CYP4F8: variants seen among roughly 807,000 people sequenced by gnomAD.
The protein encoded by CYP4F8 is cytochrome P450 family 4 subfamily F member 8, also known as cytochrome P450 4F8.
A neutral mutation model predicts 55.0 loss-of-function variants in CYP4F8; 56 were observed. That is an observed-to-expected ratio of 1.02 (90% CI 0.82 to 1.27). The LOEUF (loss-of-function observed/expected upper bound fraction) is 1.27, where lower values mean the gene tolerates loss of function less well. Ranked by LOEUF, CYP4F8 falls within the 50% of genes most tolerant of loss-of-function variation. The pLI is 0.00. For synonymous variants in CYP4F8, 288 were observed against 267.3 expected, an observed-to-expected ratio of 1.08 and a Z score of -0.76; for missense variants, 680 against 682.4, an observed-to-expected ratio of 1.00 and a Z score of 0.04.
chr19:15,628,286 T>C lies in CYP4F8; in HGVS notation c.1116-16T>C. 26 of 1,613,866 alleles carry C rather than the reference T, an allele frequency of 1.6e-5. No homozygotes were observed. Among genetic ancestry groups the C allele is most frequent in the Non-Finnish European group, 2.1e-5 (25 of 1,179,922 alleles). ...GCCGTGTATGCTCTCTGGATAATTG[T>C]TGGGTGTTTCCTTAGGGACGACCTG... On this transcript the variant is annotated splice_polypyrimidine_tract_variant and intron_variant, in intron 9 of 12. Coordinates refer to ENST00000612078, the MANE Select transcript of CYP4F8 (RefSeq NM_007253.4).
chr19:15,624,178 G>A, intron 9 of CYP4F8, 84 bp downstream of exon 9: 1 of 1,554,610 alleles, frequency 6.4e-7, no homozygotes. Flanking sequence ...GGGAAAAGGG[G>A]AGGATCTTTT....
In CYP4F8 at chr19:15,623,228, C is replaced by A. The variant is rs1972217703; in HGVS notation, c.771C>A (p.His257Gln). 1.2e-6 allele frequency: 2 copies of A among 1,613,978 alleles called. No homozygotes were observed. Among genetic ancestry groups the A allele is most frequent in the Non-Finnish European group, 1.7e-6 (2 of 1,180,030 alleles). Residue 257 changes from histidine (H) to glutamine (Q), a missense_variant, in exon 7 of 13, where the codon CAC (histidine) becomes CAA (glutamine). By Grantham distance (24) the His-to-Gln change is conservative. Transcript: ENST00000612078. Reference protein sequence around the residue: ...YFLTPCGRRFHRACRLVHDFT... With the variant: ...YFLTPCGRRFQRACRLVHDFT... ...TCACTCCCTGTGGACGGCGCTTCCA[C>A]AGGGCCTGCAGACTGGTGCACGACT...
chr19:15,616,612 C>T (rs1178836716), intron 2 of CYP4F8, among the ~76,000 whole-genome samples: 1 of 152,112 alleles, frequency 6.6e-6, no homozygotes, highest in Non-Finnish European at 1.5e-5. Flanking sequence ...AGTAGCTATA[C>T]ACCCCCTACC....
chr19:15,619,587 C>T (rs1179013170), intron 4 of CYP4F8, 44 bp downstream of exon 4: 1 of 1,613,354 alleles, frequency 6.2e-7, no homozygotes. Context: ...ACTTTTGTGG[C>T]CAGGGGAAGA....
intron 1 of CYP4F8, 47 bp downstream of exon 1, chr19:15,615,327 A>G (rs537824411): frequency 6.9e-6 from 2 of 289,328 alleles, no homozygotes; most frequent in Non-Finnish European, 1.3e-5. Context: ...GGCACTGCCC[A>G]AGACTGGGAT....
chr19:15,623,559 G>A, intron 7 of CYP4F8, 140 bp from the exon 8 acceptor site: 2 of 994,992 alleles, frequency 2.0e-6, no homozygotes, highest in Non-Finnish European at 2.7e-6. Context: ...AGAACAAACA[G>A]GAGGTCGGAA....
At chr19:15,625,207 TG>T (rs1972246264) in intron 9 of CYP4F8, among the ~76,000 whole-genome samples, 1 of 151,470 alleles carries the variant, frequency 6.6e-6, no homozygotes, top group Admixed American at 6.6e-5. Flanking sequence ...TTTTTCCCTT[TG>T]AAATCTATGT....
intron 5 of CYP4F8, among the ~76,000 whole-genome samples, chr19:15,620,964 G>T (rs1972186171): frequency 6.6e-6 from 1 of 152,050 alleles, no homozygotes. Flanking sequence ...CGAGACTTCT[G>T]GGTCAAAGAC....
At chr19:15,621,933 T>C (rs1161112476) in intron 5 of CYP4F8, 24 of 272,586 alleles carry the variant, frequency 8.8e-5, no homozygotes, top group Non-Finnish European at 6.9e-6. Flanking sequence ...GTCATCTTGA[T>C]TGCTATTGAG....
At chr19:15,622,900 G>C in intron 6 of CYP4F8, 2 of 606,048 alleles carry the variant, frequency 3.3e-6, no homozygotes, top group Middle Eastern at 4.4e-4. Flanking sequence ...ATAAGACAGA[G>C]AGAGGAGATG....
chr19:15,628,071 T>G, intron 9 of CYP4F8: 3 of 628,456 alleles, frequency 4.8e-6, no homozygotes, highest in Non-Finnish European at 5.3e-6. Context: ...AATGAATACT[T>G]TTAAGAGACA....
chr19:15,620,361 G>T (rs1320397752), intron 5 of CYP4F8, among the ~76,000 whole-genome samples: 1 of 152,094 alleles, frequency 6.6e-6, no homozygotes, highest in African/African-American at 2.4e-5. Flanking sequence ...GGATTCCAAG[G>T]CAGTGAGAGG....
Position 15,629,409 on chromosome 19 carries a change from AC to A in CYP4F8, c.*52del, listed in dbSNP as rs1373080278. 7.2e-6 allele frequency: 11 copies of A among 1,525,706 alleles called. No homozygotes were observed. The highest frequency in any genetic ancestry group is 9.7e-6 in the Non-Finnish European group (11 of 1,136,008). 94.5% of individuals were successfully genotyped at this position (1,525,706 alleles called of 1,614,324 possible). A position where few individuals can be genotyped will look rare whatever the true frequency, so the allele number is the denominator to read the frequency against. On this transcript the variant is annotated 3_prime_UTR_variant, in exon 13 of 13. Coordinates refer to ENST00000612078, the MANE Select transcript of CYP4F8 (RefSeq NM_007253.4). ...CTTTGCATCACCTACCTTTGCACCAACTACCTTTTCAGATTTCCGGTAATAA... is the reference window on the plus strand; with the variant it reads ...CTTTGCATCACCTACCTTTGCACCAATACCTTTTCAGATTTCCGGTAATAA...
intron 2 of CYP4F8, among the ~76,000 whole-genome samples, chr19:15,616,513 G>C (rs778302725): frequency 6.6e-6 from 1 of 152,154 alleles, no homozygotes; most frequent in Non-Finnish European, 1.5e-5. Flanking sequence ...TGTACTGGAG[G>C]CCTCTTGGGC....
intron 6 of CYP4F8, chr19:15,622,892 A>T (rs988026705): frequency 1.2e-5 from 7 of 598,982 alleles, no homozygotes; most frequent in Non-Finnish European, 2.1e-5. Flanking sequence ...GATGTTTTAT[A>T]AGACAGAGAG....
chr19:15,628,053 C>G (rs1972284170), intron 9 of CYP4F8: 1 of 530,640 alleles, frequency 1.9e-6, no homozygotes, highest in South Asian at 2.3e-5. Flanking sequence ...GCCACTGCAC[C>G]CCGCCGGAAT....
chr19:15,623,966 C>T lies in CYP4F8; in HGVS notation c.987C>T (p.Gly329=), dbSNP rs781076561. Residue 329 remains glycine, a splice_region_variant and synonymous_variant, in exon 9 of 13, where the codon GGC becomes GGT. Transcript: ENST00000612078. The stretch of plus-strand genomic sequence containing the variant: ...CAAGCCTGCCTGGCTGACCCTCAGG[C>T]CATGACACCACGGCCAGTGGCCTCT... ...RAEADTFMFG[G]HDTTASGLSW... 5 of 1,614,086 alleles carry T rather than the reference C, an allele frequency of 3.1e-6. No individual in the cohort carries two copies. In the Admixed American group the frequency reaches 8.3e-5, roughly 27 times the overall value.
At chr19:15,626,377 C>G (rs981518416) in intron 9 of CYP4F8, among the ~76,000 whole-genome samples, 38 of 152,326 alleles carry the variant, frequency 2.5e-4, no homozygotes, top group Middle Eastern at 3.4e-3. Flanking sequence ...CTTGGCAACA[C>G]CTACCTTTGG....
intron 4 of CYP4F8, 40 bp from the exon 5 acceptor site, chr19:15,619,595 A>G (rs774492605): frequency 6.8e-6 from 11 of 1,614,028 alleles, no homozygotes; most frequent in Admixed American, 1.7e-5. Flanking sequence ...GGCCAGGGGA[A>G]GATTCTGCCC....
Sources: allele counts gnomAD v4.1 joint callset (sites outside exome capture counted in the v4.1 genomes callset), GRCh38; gene constraint gnomAD v4.1.1; transcripts MANE v1.5; gene names NCBI Gene and HGNC (gene_info 2026-07-23, HGNC 2026-07-21).